The following ANP32A variants were observed in gnomAD, a reference collection of about 807,000 sequenced individuals.
The protein encoded by ANP32A is acidic nuclear phosphoprotein 32 family member A, also known as acidic leucine-rich nuclear phosphoprotein 32 family member A.
ANP32A carries 1 observed loss-of-function variant against 33.9 expected under a neutral mutation model. That is an observed-to-expected ratio of 0.03 (90% CI 0.01 to 0.14). The LOEUF is 0.14. Ranked by LOEUF, ANP32A falls within the 10% of genes least tolerant of loss-of-function variation. ANP32A has a pLI of 1.00. For synonymous variants in ANP32A, 115 were observed against 120.5 expected (o/e 0.95, Z 0.30); for missense variants, 155 against 306.0 (o/e 0.51, Z 3.68).
intron 1 of ANP32A, among the ~76,000 whole-genome samples, chr15:68,796,410 T>A (rs1894064676): frequency 6.6e-6 from 1 of 152,118 alleles, no homozygotes; most frequent in Admixed American, 6.5e-5. Flanking sequence ...AGACGGGGTT[T>A]CACCATGTTG....
intron 3 of ANP32A, chr15:68,787,044 G>A: frequency 4.2e-6 from 1 of 236,086 alleles, no homozygotes; most frequent in Non-Finnish European, 8.5e-6. Context: ...TTAATTCTTG[G>A]ATTGCTCCTC....
chr15:68,814,070 C>A (rs1477574518), intron 1 of ANP32A, among the ~76,000 whole-genome samples: 1 of 151,884 alleles, frequency 6.6e-6, no homozygotes, highest in East Asian at 1.9e-4. Flanking sequence ...GGGGTTTCAC[C>A]GTGTTAGCCA....
intron 1 of ANP32A, among the ~76,000 whole-genome samples, chr15:68,811,883 C>T (rs1232671981): frequency 6.9e-6 from 1 of 145,270 alleles, no homozygotes. Context: ...ATTACAGGCA[C>T]CTGCCACGAC....
chr15:68,783,016 G>T lies in ANP32A; in HGVS notation c.564C>A (p.Asp188Glu). The change falls in exon 5 of 7, where the codon GAC becomes GAA. Residue 188 changes from aspartate to glutamate, a missense_variant. Asp to Glu is a conservative substitution (Grantham distance 45, BLOSUM62 2). This residue lies in a region of ANP32A where 63 missense variants were observed against 82.8 expected (regional missense o/e 0.76). Transcript: ENST00000465139. Reference protein sequence around the residue: ...EYDEDAQVVEDEEDEDEEEEG... With the variant: ...EYDEDAQVVEEEEDEDEEEEG... ...CCTCCTCCTCATCCTCGTCCTCCTCGTCTTCCACTACCTGAGCATCTTCAT... is the reference window on the plus strand; with the variant it reads ...CCTCCTCCTCATCCTCGTCCTCCTCTTCTTCCACTACCTGAGCATCTTCAT... 6.4e-7 allele frequency: 1 copy of T among 1,551,276 alleles called. No individual in the cohort carries two copies. Among genetic ancestry groups the T allele is most frequent in the Non-Finnish European group, 8.7e-7 (1 of 1,146,546 alleles).
At chr15:68,818,233 C>A in intron 1 of ANP32A, 1 of 254,368 alleles carries the variant, frequency 3.9e-6, no homozygotes, top group Admixed American at 4.5e-5. Flanking sequence ...GCGGCGCGAG[C>A]CCCGGGAAAC....
chr15:68,782,580 CTT>C (rs1893882923), intron 5 of ANP32A, among the ~76,000 whole-genome samples: 1 of 152,222 alleles, frequency 6.6e-6, no homozygotes, highest in Non-Finnish European at 1.5e-5. Flanking sequence ...TCAAGGCAGA[CTT>C]TGGTTTTCCC....
chr15:68,804,669 C>A (rs923877208), intron 1 of ANP32A, among the ~76,000 whole-genome samples: 3 of 152,134 alleles, frequency 2.0e-5, no homozygotes, highest in African/African-American at 7.2e-5. Flanking sequence ...GCGCCCACCA[C>A]CACGCCCAAT....
In ANP32A at chr15:68,779,773, G is replaced by C; in HGVS notation, c.*308C>G. 1 of 295,392 alleles carries C rather than the reference G, an allele frequency of 3.4e-6. No individual in the cohort carries two copies. Among genetic ancestry groups the C allele is most frequent in the Non-Finnish European group, 6.3e-6 (1 of 158,748 alleles). The allele number at this position is 295,392 out of a possible 1,614,324, so 18.3% of individuals were successfully genotyped here. ...AAGAGAACTCCAAACCATCCTCTTT[G>C]AGAGTCAGGAACAAATGCTCACTTA... is the stretch of plus-strand genomic sequence containing the variant. On this transcript the variant is annotated 3_prime_UTR_variant, in exon 7 of 7. Coordinates refer to ENST00000465139, the MANE Select transcript of ANP32A (RefSeq NM_006305.4).
chr15:68,786,291 A>C, intron 3 of ANP32A, among the ~76,000 whole-genome samples: 2 of 118,358 alleles, frequency 1.7e-5, no homozygotes, highest in African/African-American at 6.9e-5. Context: ...ACAGAGTCTC[A>C]CTCTGTCACC....
intron 1 of ANP32A, among the ~76,000 whole-genome samples, chr15:68,812,686 A>C (rs1894328919): frequency 6.6e-6 from 1 of 152,236 alleles, no homozygotes; most frequent in East Asian, 1.9e-4. Context: ...CAAATAATGA[A>C]ACTAATTTGT....
At chr15:68,783,204 T>C (rs763335777) in intron 4 of ANP32A, among the ~76,000 whole-genome samples, 151 bp from the exon 5 acceptor site, 6 of 152,070 alleles carry the variant, frequency 3.9e-5, no homozygotes, top group Non-Finnish European at 8.8e-5. Flanking sequence ...CTAACTCTCA[T>C]GAAAACAGTG....
At chr15:68,784,275 C>T (rs991638094) in intron 4 of ANP32A, 122 bp downstream of exon 4, 1 of 1,151,930 alleles carries the variant, frequency 8.7e-7, no homozygotes, top group African/African-American at 1.6e-5. Context: ...GACAGACAGC[C>T]AGCCTTCAGT....
intron 4 of ANP32A, 74 bp from the exon 5 acceptor site, chr15:68,783,127 C>G: frequency 6.5e-7 from 1 of 1,537,714 alleles, no homozygotes; most frequent in Non-Finnish European, 8.8e-7. Context: ...GCACAGGCCC[C>G]TTGTAGCGTC....
In ANP32A at chr15:68,779,871, A is replaced by T; in HGVS notation, c.*210T>A. ...GAAAAAGTAGGGGAAAAAAATAAAG[A>T]GTGGCAGTAAAAATAGTATTTTATT... On this transcript the variant is annotated 3_prime_UTR_variant, in exon 7 of 7. Coordinates refer to ENST00000465139, the MANE Select transcript of ANP32A (RefSeq NM_006305.4). 2 of 545,190 alleles carry T rather than the reference A, an allele frequency of 3.7e-6. No homozygotes were observed. Among genetic ancestry groups the T allele is most frequent in the Non-Finnish European group, 6.5e-6 (2 of 309,328 alleles). The allele number at this position is 545,190 out of a possible 1,614,324, so 33.8% of individuals were successfully genotyped here.
At chr15:68,801,600 C>T (rs1241916881) in intron 1 of ANP32A, among the ~76,000 whole-genome samples, 1 of 152,106 alleles carries the variant, frequency 6.6e-6, no homozygotes, top group Non-Finnish European at 1.5e-5. Flanking sequence ...AGACTTTGCA[C>T]CCCAGAAAGC....
chr15:68,784,149 T>C (rs1193630384), intron 4 of ANP32A: 3 of 572,350 alleles, frequency 5.2e-6, no homozygotes, highest in South Asian at 2.1e-5. Flanking sequence ...TCCATGAGCA[T>C]GGGACTCATG....
chr15:68,790,361 G>C (rs1893984429), intron 1 of ANP32A: 1 of 152,174 alleles, frequency 6.6e-6, no homozygotes. Flanking sequence ...GAGAGGAACA[G>C]TGCTGCCTGC....
chr15:68,814,755 G>GA (rs1425162872), intron 1 of ANP32A, among the ~76,000 whole-genome samples: 2 of 152,180 alleles, frequency 1.3e-5, no homozygotes, highest in East Asian at 3.9e-4. Context: ...ACGCATGGTA[G>GA]AAAAGCAGCA....
intron 1 of ANP32A, among the ~76,000 whole-genome samples, chr15:68,806,461 T>C (rs1037368503): frequency 6.6e-6 from 1 of 152,154 alleles, no homozygotes; most frequent in African/African-American, 2.4e-5. Context: ...CAGCGTTCCA[T>C]TTCCGCTCCC....
Sources: gnomAD v4.1 joint callset for allele counts (sites outside exome capture counted in the v4.1 genomes callset) on GRCh38, gnomAD v4.1.1 for gene constraint, gnomAD v4.1.1 regional missense constraint, MANE v1.5 for transcripts, NCBI Gene and HGNC (gene_info 2026-07-23, HGNC 2026-07-21) for gene names.